CHODL: variants seen among roughly 807,000 people sequenced by gnomAD.
CHODL encodes chondrolectin.
In CHODL, 29 loss-of-function variants were observed where a neutral mutation model predicts 34.5. The ratio of observed to expected loss-of-function variants is 0.84; its 90% CI spans 0.63 to 1.15. The LOEUF (loss-of-function observed/expected upper bound fraction) is 1.15. CHODL is among the 50% of genes most tolerant of loss of function. CHODL has a pLI of 0.00. For missense variants in CHODL, 332 were observed against 332.5 expected, an observed-to-expected ratio of 1.00 and a Z score of 0.01; for synonymous variants, 125 against 116.1, an observed-to-expected ratio of 1.08 and a Z score of -0.49.
chr21:17,964,101 A>G (rs2063553602), intron 1 of CHODL, among the ~76,000 whole-genome samples: 1 of 152,220 alleles, frequency 6.6e-6, no homozygotes, highest in Non-Finnish European at 1.5e-5. Context: ...TATACAAGTT[A>G]ACATAACATT....
At position 18,023,512 on chromosome 21, in the gene CHODL, C is replaced by T. The variant is rs187474840; in HGVS notation, c.-144-4360C>T. ...CGCGAACCCAATCAGGAATGAAGGG[C>T]AACTGAGTGTCAAATGTGTGGAGTT... On this transcript the variant is annotated intron_variant, in intron 1 of 6. Coordinates refer to the CHODL transcript ENST00000400127. 9.8e-4 allele frequency among the ~76,000 whole-genome samples: 149 copies of T among 152,124 alleles called. 1 individual carries two copies. Among genetic ancestry groups the T allele is most frequent in the Non-Finnish European group, 1.8e-3 (122 of 68,008 alleles).
intron 2 of CHODL, among the ~76,000 whole-genome samples, chr21:18,129,795 T>C (rs529934243): frequency 1.4e-4 from 22 of 152,260 alleles, no homozygotes; most frequent in African/African-American, 5.1e-4. Context: ...GTTCCTGGAA[T>C]GAGGCTGATA....
intron 2 of CHODL, among the ~76,000 whole-genome samples, chr21:18,115,444 C>T (rs1397491239): frequency 6.6e-6 from 1 of 152,214 alleles, no homozygotes; most frequent in Non-Finnish European, 1.5e-5. Flanking sequence ...TATTCTGTAA[C>T]TCCAGGGAAT....
intron 2 of CHODL, among the ~76,000 whole-genome samples, chr21:18,076,679 C>A (rs1182499924): frequency 1.3e-5 from 2 of 152,120 alleles, no homozygotes; most frequent in African/African-American, 4.8e-5. Context: ...TAAACAGAAG[C>A]CAGGAACTAT....
chr21:17,942,300 G>A (rs1348262600), intron 1 of CHODL, among the ~76,000 whole-genome samples: 1 of 152,164 alleles, frequency 6.6e-6, no homozygotes, highest in African/African-American at 2.4e-5. Context: ...TTGTGGGAGG[G>A]ACCCAGTGGG....
At chr21:18,219,971 G>C (rs912976063) in intron 2 of CHODL, among the ~76,000 whole-genome samples, 11 of 152,084 alleles carry the variant, frequency 7.2e-5, no homozygotes, top group Non-Finnish European at 1.5e-4. Flanking sequence ...TTTGTATCCT[G>C]TGTTTTTGAC....
chr21:18,002,281 T>C (rs941327646), intron 1 of CHODL, among the ~76,000 whole-genome samples: 20 of 152,338 alleles, frequency 1.3e-4, no homozygotes, highest in African/African-American at 4.6e-4. Flanking sequence ...TTAAAAATTA[T>C]ATTTGCAAGC....
chr21:18,216,914 C>G (rs985689915), intron 2 of CHODL, among the ~76,000 whole-genome samples: 1 of 152,156 alleles, frequency 6.6e-6, no homozygotes, highest in Non-Finnish European at 1.5e-5. Context: ...AGGTTCCTCC[C>G]ATGACACGTG....
chr21:17,931,968 C>T (rs963638049), intron 1 of CHODL, among the ~76,000 whole-genome samples: 2 of 152,114 alleles, frequency 1.3e-5, no homozygotes, highest in African/African-American at 4.8e-5. Flanking sequence ...CTTAATTAAA[C>T]TAAAAAGCAT....
At chr21:17,947,544 GACACACACACACAC>G (rs34768313) in intron 1 of CHODL, among the ~76,000 whole-genome samples, 2 of 149,674 alleles carry the variant, frequency 1.3e-5, no homozygotes, top group South Asian at 4.2e-4. Context: ...CACACACACA[GACACACACACACAC>G]ACACACACAT....
At chr21:18,025,810 C>A (rs284827) in intron 1 of CHODL, among the ~76,000 whole-genome samples, 42,958 of 151,936 alleles carry the variant, frequency 0.28, 8,227 homozygotes, top group African/African-American at 0.54. Flanking sequence ...CCTTCATCTT[C>A]CACGGTCTTT....
intron 2 of CHODL, among the ~76,000 whole-genome samples, chr21:18,117,776 A>G (rs1331014084): frequency 6.6e-6 from 1 of 152,054 alleles, no homozygotes; most frequent in Non-Finnish European, 1.5e-5. Flanking sequence ...AAAGGGAGGT[A>G]GTTGTTATTT....
intron 2 of CHODL, among the ~76,000 whole-genome samples, chr21:18,173,244 G>T (rs755640033): frequency 6.6e-6 from 1 of 152,010 alleles, no homozygotes; most frequent in Non-Finnish European, 1.5e-5. Flanking sequence ...CACTTAACAC[G>T]ATATGATCAC....
intron 2 of CHODL, among the ~76,000 whole-genome samples, chr21:18,165,632 G>A (rs1366633450): frequency 1.3e-5 from 2 of 152,114 alleles, no homozygotes; most frequent in Non-Finnish European, 2.9e-5. Context: ...TCAAAAAGGA[G>A]GGAGCCACGT....
intron 1 of CHODL, among the ~76,000 whole-genome samples, chr21:18,021,742 C>T (rs913382227): frequency 2.0e-5 from 3 of 151,930 alleles, no homozygotes; most frequent in Non-Finnish European, 4.4e-5. Context: ...CCTACCACCT[C>T]ATAGTGGAGA....
intron 2 of CHODL, among the ~76,000 whole-genome samples, chr21:18,066,838 G>A (rs1045628857): frequency 1.3e-5 from 2 of 152,168 alleles, no homozygotes; most frequent in Admixed American, 1.3e-4. Context: ...ACACAAATAG[G>A]TACCAGGAAA....
intron 2 of CHODL, among the ~76,000 whole-genome samples, chr21:18,230,842 A>G (rs746980766): frequency 8.5e-5 from 13 of 152,150 alleles, no homozygotes; most frequent in Non-Finnish European, 1.9e-4. Context: ...GACTAAAATT[A>G]TTTTTATGCT....
At chr21:18,070,717 A>G (rs1201617721) in intron 2 of CHODL, among the ~76,000 whole-genome samples, 1 of 152,096 alleles carries the variant, frequency 6.6e-6, no homozygotes, top group African/African-American at 2.4e-5. Flanking sequence ...ACTGACTCCC[A>G]ATCAAAGAAG....
chr21:17,987,413 C>G (rs1041613813), intron 1 of CHODL, among the ~76,000 whole-genome samples: 5 of 152,092 alleles, frequency 3.3e-5, no homozygotes, highest in African/African-American at 1.2e-4. Flanking sequence ...AATATAGCCA[C>G]TTATTCTACC....
Sources: gnomAD v4.1 joint callset for allele counts (sites outside exome capture counted in the v4.1 genomes callset) on GRCh38, gnomAD v4.1.1 for gene constraint, MANE v1.5 for transcripts, NCBI Gene and HGNC (gene_info 2026-07-23, HGNC 2026-07-21) for gene names.